The following FBN3 variants were observed in gnomAD, a reference collection of about 807,000 sequenced individuals.
FBN3 encodes the protein fibrillin 3.
FBN3 carries 234 observed loss-of-function variants against 330.1 expected under a neutral mutation model. The observed-to-expected ratio is 0.71, with a 90% CI of 0.64 to 0.79. The LOEUF is 0.79. Among genes scored for constraint, FBN3 ranks in the 30% least tolerant of loss-of-function variants. The probability of loss-of-function intolerance (pLI) is 0.00; values close to 1 mark genes in which losing one functional copy is unlikely to be tolerated. For synonymous variants in FBN3, 1,458 were observed against 1,517.3 expected (o/e 0.96, Z 0.91); for missense variants, 3,606 against 3,886.9 (o/e 0.93, Z 1.92).
At chr19:8,106,301 C>T in intron 37 of FBN3, 68 bp from the exon 38 acceptor site, 1 of 1,578,540 alleles carries the variant, frequency 6.3e-7, no homozygotes, top group Non-Finnish European at 8.7e-7. Context: ...GGCACCCACA[C>T]CATGCTCTGG....
chr19:8,096,410 G>A lies in FBN3; in HGVS notation c.5539+34C>T. On this transcript the variant is annotated intron_variant, in intron 44 of 63. Transcript: ENST00000600128. The surrounding 1 kb of genome is among the most constrained non-coding windows in gnomAD (Gnocchi z 4.6). ...GGGAGGTTTAGACCCCAGGCAGCCT[G>A]GCTTGAAAAGGAGGGGGAAGATAAG... 6.2e-7 allele frequency: 1 copy of A among 1,600,510 alleles called. No homozygotes were observed. Among genetic ancestry groups the A allele is most frequent in the South Asian group, 1.1e-5 (1 of 89,680 alleles).
At chr19:8,112,204 G>A in intron 30 of FBN3, 105 bp from the exon 31 acceptor site, 3 of 1,217,172 alleles carry the variant, frequency 2.5e-6, no homozygotes, top group East Asian at 2.6e-5. Flanking sequence ...GGGAGAGCTG[G>A]CCCAGAAAGC....
At chr19:8,126,200 C>T (rs2082977506) in intron 21 of FBN3, 97 bp downstream of exon 21, 5 of 1,458,970 alleles carry the variant, frequency 3.4e-6, no homozygotes, top group Admixed American at 3.9e-5. Context: ...GCAAAAGACT[C>T]CAGGGCGGGG....
chr19:8,089,863 G>T, intron 50 of FBN3, 31 bp downstream of exon 50: 2 of 1,574,358 alleles, frequency 1.3e-6, no homozygotes, highest in Non-Finnish European at 8.6e-7. Flanking sequence ...TGGCCCAGAA[G>T]GGGCTCTTAG....
chr19:8,147,541 C>G (rs1478417337), intron 1 of FBN3, 44 bp from the exon 2 acceptor site: 3 of 1,387,880 alleles, frequency 2.2e-6, no homozygotes, highest in Non-Finnish European at 2.8e-6. Flanking sequence ...GCCCCCCACC[C>G]TAGCCATGGG....
chr19:8,104,539 A>C (rs1440059304), intron 38 of FBN3, among the ~76,000 whole-genome samples: 3 of 152,040 alleles, frequency 2.0e-5, no homozygotes, highest in Admixed American at 6.6e-5. Flanking sequence ...GAACAAAATG[A>C]CCTGAGTTCA....
At chr19:8,069,828 G>A (rs1009897491) in intron 63 of FBN3, among the ~76,000 whole-genome samples, 2 of 152,184 alleles carry the variant, frequency 1.3e-5, no homozygotes, top group African/African-American at 2.4e-5. Flanking sequence ...CCTTGACTGG[G>A]CACAGTGGCA....
chr19:8,115,496 C>T lies in FBN3; in HGVS notation c.3838+19G>A, dbSNP rs934987825. 1 of 1,612,738 alleles carries T rather than the reference C, an allele frequency of 6.2e-7. No homozygotes were observed. Among genetic ancestry groups the T allele is most frequent in the Non-Finnish European group, 8.5e-7 (1 of 1,179,862 alleles). ...CCCCGGGGAGTCCCCTCTGCCTGCA[C>T]CGCTGACCGCCGGCTCACCAGAGCA... On this transcript the variant is annotated intron_variant, in intron 30 of 63. Coordinates refer to ENST00000600128, the MANE Select transcript of FBN3 (RefSeq NM_032447.5).
intron 57 of FBN3, among the ~76,000 whole-genome samples, chr19:8,082,581 C>T (rs2144632260): frequency 6.6e-6 from 1 of 151,828 alleles, no homozygotes; most frequent in East Asian, 2.0e-4. Context: ...ACAACCTCCA[C>T]TTCCTGGGTT....
chr19:8,102,941 G>C, intron 39 of FBN3, 68 bp from the exon 40 acceptor site: 1 of 1,507,876 alleles, frequency 6.6e-7, no homozygotes, highest in Non-Finnish European at 9.2e-7. Context: ...GGGAGCCAAA[G>C]AGATAGGAAC....
chr19:8,135,005 G>A (rs1332828334), intron 13 of FBN3, among the ~76,000 whole-genome samples: 1 of 149,630 alleles, frequency 6.7e-6, no homozygotes, highest in Non-Finnish European at 1.5e-5. Flanking sequence ...TTGAAACAAG[G>A]TCTAGGTCTG....
intron 30 of FBN3, among the ~76,000 whole-genome samples, chr19:8,113,998 T>A (rs1599373730): frequency 7.5e-6 from 1 of 133,482 alleles, no homozygotes; most frequent in Non-Finnish European, 1.7e-5. Context: ...CTCACAAAAA[T>A]AAATAAATAA....
intron 1 of FBN3, chr19:8,148,962 G>C (rs796073117): frequency 2.4e-4 from 37 of 153,092 alleles, no homozygotes; most frequent in African/African-American, 8.9e-4. Context: ...GGAATTAGGT[G>C]GGGGGAGTCT....
At chr19:8,140,882 G>T (rs1466219926) in intron 8 of FBN3, among the ~76,000 whole-genome samples, 3 of 152,116 alleles carry the variant, frequency 2.0e-5, no homozygotes, top group Non-Finnish European at 4.4e-5. Flanking sequence ...GCCCCCAGTG[G>T]TGGAGACCTA....
At chr19:8,095,526 C>T (rs1241666334) in intron 45 of FBN3, 23 bp from the exon 46 acceptor site, 3 of 1,606,864 alleles carry the variant, frequency 1.9e-6, no homozygotes, top group Non-Finnish European at 2.6e-6. Context: ...GATGGGCAGG[C>T]CAGTTCACCC....
chr19:8,138,292 C>T lies in FBN3; in HGVS notation c.1050G>A (p.Leu350=). The change falls in exon 10 of 64, where the codon CTG becomes CTA. Residue 350 remains leucine (L), a synonymous_variant. Coordinates refer to ENST00000600128, the MANE Select transcript of FBN3 (RefSeq NM_032447.5). ...GGCCAGGGTGGCCGGGTAGCAGCGGCAGCCGCTGGGCGCACAGTTGCTGGA... is the reference window on the plus strand; with the variant it reads ...GGCCAGGGTGGCCGGGTAGCAGCGGTAGCCGCTGGGCGCACAGTTGCTGGA... ...NEFQQLCAQR[L]PLLPGHPGLF... is the part of the protein sequence containing the mutation. 1 of 1,613,182 alleles carries T rather than the reference C, an allele frequency of 6.2e-7. No individual in the cohort carries two copies. Among genetic ancestry groups the T allele is most frequent in the Non-Finnish European group, 8.5e-7 (1 of 1,179,730 alleles).
At chr19:8,119,873 T>C (rs539343252) in intron 25 of FBN3, among the ~76,000 whole-genome samples, 2 of 134,368 alleles carry the variant, frequency 1.5e-5, no homozygotes, top group African/African-American at 2.8e-5. Flanking sequence ...CAGCCTGGAG[T>C]GCAGTGACAC....
At position 8,109,347 on chromosome 19, in the gene FBN3, C is replaced by T. The variant is rs745616791; in HGVS notation, c.4498G>A (p.Gly1500Arg). Reference protein sequence around the residue: ...GNCFLETHDRGDSGISCSAEI... With the variant: ...GNCFLETHDRRDSGISCSAEI... ...GCACTGCAGGAAATGCCACTGTCCC[C>T]TCGGTCATGCGTCTCCAGGAAACAG... Residue 1500 changes from glycine to arginine, a missense_variant, in exon 36 of 64, where the codon GGG becomes AGG. By Grantham distance (125) the Gly-to-Arg change is moderately radical. Coordinates refer to ENST00000600128, the MANE Select transcript of FBN3 (RefSeq NM_032447.5). This position sits in a 1 kb window ranked among gnomAD's most constrained non-coding sequence, Gnocchi z 5.2. 42 of 1,614,096 alleles carry T rather than the reference C, an allele frequency of 2.6e-5. No individual in the cohort carries two copies. The highest frequency in any genetic ancestry group is 1.6e-4 in the Middle Eastern group (1 of 6,084).
chr19:8,124,039 C>G, intron 22 of FBN3, 31 bp from the exon 23 acceptor site: 1 of 1,563,692 alleles, frequency 6.4e-7, no homozygotes, highest in Non-Finnish European at 8.8e-7. Context: ...GCGTCCCCAC[C>G]CCTGCCACAC....
Sources: allele counts gnomAD v4.1 joint callset (sites outside exome capture counted in the v4.1 genomes callset), GRCh38; gene constraint gnomAD v4.1.1; non-coding constraint Gnocchi (gnomAD v3.1); transcripts MANE v1.5; gene names NCBI Gene and HGNC (gene_info 2026-07-23, HGNC 2026-07-21).